Variants in ASH1L observed in about 807,000 individuals in gnomAD.
The protein encoded by ASH1L is ASH1 like histone lysine methyltransferase, also known as histone-lysine N-methyltransferase ASH1L.
A neutral mutation model predicts 269.0 loss-of-function variants in ASH1L; 23 were observed. That is an observed-to-expected ratio of 0.09 (90% CI 0.06 to 0.12). ASH1L has a LOEUF of 0.12. ASH1L is among the 10% of genes least tolerant of loss of function. The pLI, the probability that ASH1L is intolerant of heterozygous loss-of-function variation, is 1.00. For missense variants in ASH1L, 2,912 were observed against 3,567.8 expected, an observed-to-expected ratio of 0.82 and a Z score of 4.68; for synonymous variants, 1,187 against 1,253.5, an observed-to-expected ratio of 0.95 and a Z score of 1.12.
At chr1:155,370,443 C>A in intron 12 of ASH1L, 61 bp downstream of exon 12, 1 of 1,602,406 alleles carries the variant, frequency 6.2e-7, no homozygotes. Context: ...AGATCAATCC[C>A]TTGCTGCACT....
At chr1:155,549,770 G>A (rs1229664076) in intron 1 of ASH1L, among the ~76,000 whole-genome samples, 1 of 152,102 alleles carries the variant, frequency 6.6e-6, no homozygotes, top group Non-Finnish European at 1.5e-5. Flanking sequence ...ACCGAGGGAT[G>A]ACTGTATATC....
In ASH1L at chr1:155,415,822, C is replaced by T. The variant is rs1314303749; in HGVS notation, c.5930G>A (p.Arg1977Lys). ...TGGGGGACGTGGGGGCTTCTTTTCC[C>T]TTGGGATGAGAGAAAGCACAGGCTG... is the stretch of plus-strand genomic sequence containing the variant. Reference protein sequence around the residue: ...TLQPVLSLIPREKKPPRPPKK... With the variant: ...TLQPVLSLIPKEKKPPRPPKK... The change falls in exon 6 of 28, where the codon AGG becomes AAG. Residue 1977 changes from arginine to lysine, a missense_variant. Physicochemically the swap from Arg to Lys is conservative, Grantham distance 26. Around this residue, in one of 13 missense-constraint regions of ASH1L, gnomAD observed 193 missense variants for 311.6 expected, o/e 0.62. Transcript: ENST00000392403. 1.9e-6 allele frequency: 3 copies of T among 1,613,856 alleles called. No homozygotes were observed. The highest frequency in any genetic ancestry group is 1.7e-6 in the Non-Finnish European group (2 of 1,179,974).
intron 6 of ASH1L, among the ~76,000 whole-genome samples, chr1:155,404,250 G>A (rs979488556): frequency 6.6e-6 from 1 of 152,044 alleles, no homozygotes; most frequent in African/African-American, 2.4e-5. Context: ...AGCTACTGGA[G>A]GAGGCTGAGG....
rs924039977 is a variant in ASH1L, at chr1:155,546,756, C to CA, written c.-100+15396dup. 3.7e-3 allele frequency among the ~76,000 whole-genome samples: 523 copies of CA among 141,454 alleles called. 2 individuals are homozygous for CA. Among genetic ancestry groups the CA allele is most frequent in the African/African-American group, 8.4e-3 (323 of 38,600 alleles). 92.8% of individuals were successfully genotyped at this position (141,454 alleles called of 152,430 possible). On this transcript the variant is annotated intron_variant, in intron 1 of 27. Transcript: ENST00000392403. ...CTGGTGACAGAGCAAGACTCCGTCT[C>CA]AAAAAAAAAAGCACTCTGGTAAAGA...
At chr1:155,509,068 A>C (rs1258725447) in intron 2 of ASH1L, among the ~76,000 whole-genome samples, 1 of 152,232 alleles carries the variant, frequency 6.6e-6, no homozygotes, top group Non-Finnish European at 1.5e-5. Context: ...TAGAAAAAAA[A>C]AATTATTTTC....
At chr1:155,529,452 A>C (rs947399209) in intron 1 of ASH1L, among the ~76,000 whole-genome samples, 2 of 149,756 alleles carry the variant, frequency 1.3e-5, no homozygotes, top group African/African-American at 4.9e-5. Flanking sequence ...AGTGATGTTG[A>C]GCTTTTCCTC....
At chr1:155,374,960 A>G (rs1571035994) in intron 10 of ASH1L, among the ~76,000 whole-genome samples, 1 of 152,018 alleles carries the variant, frequency 6.6e-6, no homozygotes, top group East Asian at 1.9e-4. Context: ...GACTGCAGGC[A>G]TGCACCACTA....
At chr1:155,519,096 A>G (rs1252417751) in intron 2 of ASH1L, among the ~76,000 whole-genome samples, 1 of 152,220 alleles carries the variant, frequency 6.6e-6, no homozygotes, top group African/African-American at 2.4e-5. Flanking sequence ...CAATAGCCAA[A>G]TAGTGGATGT....
At chr1:155,476,171 G>T (rs1665525611) in intron 3 of ASH1L, among the ~76,000 whole-genome samples, 1 of 152,122 alleles carries the variant, frequency 6.6e-6, no homozygotes, top group Non-Finnish European at 1.5e-5. Context: ...CGGATCACGA[G>T]GTCAGGAGTT....
chr1:155,374,945 G>A (rs1462917383), intron 10 of ASH1L, among the ~76,000 whole-genome samples: 1 of 152,078 alleles, frequency 6.6e-6, no homozygotes, highest in Non-Finnish European at 1.5e-5. Flanking sequence ...CTCCCAAGTA[G>A]CTGGGACTGC....
chr1:155,510,243 G>C (rs988285025), intron 2 of ASH1L, among the ~76,000 whole-genome samples: 1 of 151,560 alleles, frequency 6.6e-6, no homozygotes, highest in Admixed American at 6.6e-5. Flanking sequence ...GAGAAACCCT[G>C]TCTCTACTAA....
At position 155,357,274 on chromosome 1, in the gene ASH1L, T is replaced by C. The variant is rs147232802; in HGVS notation, c.7055+42A>G. ...AATTTTTTACACAGATAAGCAATCA[T>C]GTAACTTACAAAGAACATGGATAAG... On this transcript the variant is annotated intron_variant, in intron 15 of 27. Transcript: ENST00000392403. The C allele has an allele frequency of 3.9e-4, 585 of 1,501,692 alleles. 2 individuals are homozygous for C. The African/African-American group carries it at 7.4e-3, about 19-fold the overall frequency. The allele number at this position is 1,501,692 out of a possible 1,614,324, so 93.0% of individuals were successfully genotyped here. A position where few individuals can be genotyped will look rare whatever the true frequency, so the allele number is the denominator to read the frequency against.
At chr1:155,366,026 G>C (rs1176038050) in intron 12 of ASH1L, among the ~76,000 whole-genome samples, 3 of 152,184 alleles carry the variant, frequency 2.0e-5, no homozygotes. Flanking sequence ...ATCTTGTATA[G>C]AGGTTGGGTA....
At chr1:155,386,382 A>C (rs1026087890) in intron 7 of ASH1L, among the ~76,000 whole-genome samples, 1 of 150,932 alleles carries the variant, frequency 6.6e-6, no homozygotes, top group East Asian at 1.9e-4. Context: ...GTCTTTAAAA[A>C]AATTTTATTA....
chr1:155,349,330 A>C lies in ASH1L; in HGVS notation c.7551T>G (p.Ala2517=). ...GTTTGAAGTCAGTGAAAAATACCTCAGCATTCCGAAAGACTTTGAGCATGT... is the reference window on the plus strand; with the variant it reads ...GTTTGAAGTCAGTGAAAAATACCTCCGCATTCCGAAAGACTTTGAGCATGT... The part of the protein sequence containing the change: ...DADMLKVFRN[A]EKYYGRKSPV... The change falls in exon 19 of 28, where the codon GCT becomes GCG. Residue 2517 remains alanine, a synonymous_variant. Transcript: ENST00000392403. 1 of 1,611,468 alleles carries C rather than the reference A, an allele frequency of 6.2e-7. No individual in the cohort carries two copies. Among genetic ancestry groups the C allele is most frequent in the Non-Finnish European group, 8.5e-7 (1 of 1,178,508 alleles).
At chr1:155,476,651 A>G (rs1462689592) in intron 3 of ASH1L, among the ~76,000 whole-genome samples, 3 of 151,206 alleles carry the variant, frequency 2.0e-5, no homozygotes, top group African/African-American at 7.3e-5. Context: ...TCCAGAGTTC[A>G]CGCCATTCTC....
At chr1:155,533,170 A>G (rs749148572) in intron 1 of ASH1L, among the ~76,000 whole-genome samples, 3 of 152,146 alleles carry the variant, frequency 2.0e-5, no homozygotes, top group African/African-American at 4.8e-5. Context: ...TTTTTAAAGT[A>G]CTACAAATGA....
At chr1:155,491,057 C>A (rs1177026947) in intron 2 of ASH1L, among the ~76,000 whole-genome samples, 1 of 135,604 alleles carries the variant, frequency 7.4e-6, no homozygotes, top group Non-Finnish European at 1.6e-5. Flanking sequence ...ATCTATTATT[C>A]TAAACGTCTT....
chr1:155,480,201 C>T lies in ASH1L; in HGVS notation c.2669G>A (p.Arg890Lys). ...GLSVSPFPKK[R>K]GRPKRQMRSP... ...CCTCATTTGCCTCTTAGGCCTGCCT[C>T]TCTTTTTTGGAAAAGGAGACACAGA... Residue 890 changes from arginine to lysine, a missense_variant, in exon 3 of 28, where the codon AGA becomes AAA. Around this residue, in one of 13 missense-constraint regions of ASH1L, gnomAD observed 715 missense variants for 721.0 expected, o/e 0.99. Coordinates refer to ENST00000392403, the MANE Select transcript of ASH1L (RefSeq NM_018489.3). 6.2e-7 allele frequency: 1 copy of T among 1,614,162 alleles called. No individual in the cohort carries two copies. The highest frequency in any genetic ancestry group is 8.5e-7 in the Non-Finnish European group (1 of 1,179,998).
Sources: allele counts gnomAD v4.1 joint callset (sites outside exome capture counted in the v4.1 genomes callset), GRCh38; gene constraint gnomAD v4.1.1; regional missense constraint gnomAD v4.1.1; transcripts MANE v1.5; gene names NCBI Gene and HGNC (gene_info 2026-07-23, HGNC 2026-07-21).